The following DTNA variants were observed in gnomAD, a reference collection of about 807,000 sequenced individuals.
DTNA encodes the protein dystrobrevin alpha, also known as dystrophin-related protein 3.
A neutral mutation model predicts 100.7 loss-of-function variants in DTNA; 43 were observed. The observed-to-expected ratio is 0.43, with a 90% CI of 0.33 to 0.55. The LOEUF is 0.55. Ranked by LOEUF, DTNA falls within the 20% of genes least tolerant of loss-of-function variation. The pLI, the probability that DTNA is intolerant of heterozygous loss-of-function variation, is 0.04. For synonymous variants in DTNA, 349 were observed against 347.9 expected (o/e 1.00, Z -0.04); for missense variants, 798 against 953.9 (o/e 0.84, Z 2.15).
chr18:34,565,642 G>C (rs2047017568), intron 1 of DTNA, among the ~76,000 whole-genome samples: 1 of 152,100 alleles, frequency 6.6e-6, no homozygotes, highest in Admixed American at 6.5e-5. Flanking sequence ...TCCAATCTCT[G>C]CCTTCCTCTA....
At chr18:34,558,926 T>G (rs1018757329) in intron 1 of DTNA, among the ~76,000 whole-genome samples, 20 of 152,166 alleles carry the variant, frequency 1.3e-4, no homozygotes, top group African/African-American at 4.8e-4. Context: ...TTGATGGAGA[T>G]GGTTGACAGA....
intron 1 of DTNA, among the ~76,000 whole-genome samples, chr18:34,703,426 A>G (rs961923354): frequency 6.6e-6 from 1 of 152,210 alleles, no homozygotes; most frequent in African/African-American, 2.4e-5. Flanking sequence ...CATTATTTTC[A>G]CTGGGATATA....
chr18:34,596,262 T>C (rs2050586580), intron 1 of DTNA, among the ~76,000 whole-genome samples: 1 of 152,178 alleles, frequency 6.6e-6, no homozygotes, highest in Middle Eastern at 3.2e-3. Flanking sequence ...CAGGCTAGAG[T>C]GCAGTGACAT....
intron 1 of DTNA, among the ~76,000 whole-genome samples, chr18:34,496,644 C>G (rs1481926940): frequency 6.6e-6 from 1 of 152,066 alleles, no homozygotes; most frequent in Non-Finnish European, 1.5e-5. Flanking sequence ...GATCTGTGAG[C>G]CCTGACTGCA....
At chr18:34,820,967 G>A (rs1442076961) in intron 9 of DTNA, 52 bp downstream of exon 9, 3 of 1,613,222 alleles carry the variant, frequency 1.9e-6, no homozygotes, top group African/African-American at 2.7e-5. Context: ...AAGGGCACAT[G>A]TCTGGAGCCA....
rs538294216 is a variant in DTNA, at chr18:34,695,561, T to C, written c.-1-60415T>C. On this transcript the variant is annotated intron_variant, in intron 1 of 19. Transcript: ENST00000283365. ...ACATAAATAACTGAAGCATTGACAT[T>C]AGTTTCAGCTGGGTCACCCAAGCCT... Among the ~76,000 whole-genome samples, 3 of 152,292 alleles carry C rather than the reference T, an allele frequency of 2.0e-5. No individual in the cohort carries two copies. The East Asian group carries it at 5.8e-4, about 29-fold the overall frequency.
In DTNA at chr18:34,877,715, G is replaced by T; in HGVS notation, c.1904-4G>T. 1 of 1,612,016 alleles carries T rather than the reference G, an allele frequency of 6.2e-7. No homozygotes were observed. The highest frequency in any genetic ancestry group is 8.5e-7 in the Non-Finnish European group (1 of 1,178,490). On this transcript the variant is annotated splice_polypyrimidine_tract_variant and splice_region_variant and intron_variant, in intron 18 of 22. Transcript: ENST00000444659. The stretch of plus-strand genomic sequence containing the variant: ...TTTTTTAAATTATTTCTTCTTCCCT[G>T]AAGGTTCAAGAAGAAACTTAAGGAA...
intron 9 of DTNA, among the ~76,000 whole-genome samples, chr18:34,826,391 T>C (rs2095859166): frequency 6.6e-6 from 1 of 152,112 alleles, no homozygotes. Flanking sequence ...AGACTTATTC[T>C]AAGTCTCAAT....
chr18:34,768,264 G>A (rs892092317), intron 3 of DTNA, among the ~76,000 whole-genome samples: 7 of 151,730 alleles, frequency 4.6e-5, no homozygotes, highest in Non-Finnish European at 8.8e-5. Flanking sequence ...AGGAGAGCTA[G>A]AGATTTCCAA....
At chr18:34,845,086 G>T (rs1020609138) in intron 13 of DTNA, among the ~76,000 whole-genome samples, 1 of 152,136 alleles carries the variant, frequency 6.6e-6, no homozygotes, top group Non-Finnish European at 1.5e-5. Context: ...GTTGGAATTG[G>T]TATTTATTTT....
intron 1 of DTNA, among the ~76,000 whole-genome samples, chr18:34,582,266 A>C (rs1272267926): frequency 6.6e-6 from 1 of 151,980 alleles, no homozygotes; most frequent in Non-Finnish European, 1.5e-5. Context: ...ATCCCCACAA[A>C]CAACCACTCT....
chr18:34,605,444 G>A (rs2052845663), intron 1 of DTNA, among the ~76,000 whole-genome samples: 1 of 152,078 alleles, frequency 6.6e-6, no homozygotes, highest in African/African-American at 2.4e-5. Context: ...CAACATTTGG[G>A]TAAATTTTAG....
chr18:34,747,974 T>C (rs2091866215), intron 1 of DTNA, among the ~76,000 whole-genome samples: 1 of 152,176 alleles, frequency 6.6e-6, no homozygotes, highest in Non-Finnish European at 1.5e-5. Flanking sequence ...CCAATGTCTA[T>C]TATTTTTTGA....
In DTNA at chr18:34,838,165, G is replaced by A; in HGVS notation, c.1247G>A (p.Gly416Asp). 6.2e-7 allele frequency: 1 copy of A among 1,613,764 alleles called. No individual in the cohort carries two copies. The highest frequency in any genetic ancestry group is 8.5e-7 in the Non-Finnish European group (1 of 1,179,768). Reference sequence around the variant, plus strand: ...AGGGCTGCTCCAGCTTTTCTGAAGGGCAAAGGGTAAGTTACAGCCAGAGTG... The same window carrying A: ...AGGGCTGCTCCAGCTTTTCTGAAGGACAAAGGGTAAGTTACAGCCAGAGTG... Reference protein sequence around the residue: ...LARAAPAFLKGKGIQYSLNVA... With the variant: ...LARAAPAFLKDKGIQYSLNVA... The change falls in exon 12 of 23, where the codon GGC becomes GAC. Residue 416 changes from glycine to aspartate, a missense_variant. This residue lies in a region of DTNA where 159 missense variants were observed against 201.2 expected (regional missense o/e 0.79). Transcript: ENST00000444659.
At chr18:34,585,800 G>A (rs746528633) in intron 1 of DTNA, among the ~76,000 whole-genome samples, 1 of 152,206 alleles carries the variant, frequency 6.6e-6, no homozygotes, top group Non-Finnish European at 1.5e-5. Flanking sequence ...GAAGATGGTT[G>A]CCTCTGGGCT....
Position 34,883,512 on chromosome 18 carries a change from G to A in DTNA, c.2296-1216G>A, listed in dbSNP as rs866544605. ...TTTTGTGGAGTCAGGGTCTCACCAT[G>A]TTGTCCAAGCTGGTATTGAACTCCT... is the stretch of plus-strand genomic sequence containing the variant. On this transcript the variant is annotated intron_variant, in intron 21 of 22. Transcript: ENST00000444659. Among the ~76,000 whole-genome samples the A allele has an allele frequency of 3.9e-5, 6 of 151,936 alleles. No individual in the cohort carries two copies. In the South Asian group the frequency reaches 1.2e-3, roughly 31 times the overall value.
intron 4 of DTNA, among the ~76,000 whole-genome samples, chr18:34,798,432 G>A (rs1372846709): frequency 1.3e-5 from 2 of 151,876 alleles, no homozygotes; most frequent in Admixed American, 1.3e-4. Flanking sequence ...AAAAAAACAA[G>A]TGTTCATGGT....
intron 11 of DTNA, among the ~76,000 whole-genome samples, chr18:34,833,832 G>A (rs2096071834): frequency 6.6e-6 from 1 of 152,194 alleles, no homozygotes; most frequent in African/African-American, 2.4e-5. Context: ...CAGTTTCGGA[G>A]CTTAAAAGGA....
chr18:34,654,779 T>A (rs1052313876), intron 1 of DTNA, among the ~76,000 whole-genome samples: 2 of 152,008 alleles, frequency 1.3e-5, no homozygotes, highest in Non-Finnish European at 2.9e-5. Context: ...CAGGCTGGAG[T>A]GCAGTGGTGC....
Sources: allele counts gnomAD v4.1 joint callset (sites outside exome capture counted in the v4.1 genomes callset), GRCh38; gene constraint gnomAD v4.1.1; regional missense constraint gnomAD v4.1.1; transcripts MANE v1.5; gene names NCBI Gene and HGNC (gene_info 2026-07-23, HGNC 2026-07-21).